POLA1: variants seen among roughly 807,000 people sequenced by gnomAD.
POLA1 encodes DNA polymerase alpha catalytic subunit.
Under a neutral mutation model 124.0 loss-of-function variants are expected in POLA1, and 15 were observed. The observed-to-expected ratio is 0.12, with a 90% confidence interval of 0.08 to 0.19. The LOEUF (loss-of-function observed/expected upper bound fraction) is 0.19, where lower values mean the gene tolerates loss of function less well. Among genes scored for constraint, POLA1 ranks in the 10% least tolerant of loss-of-function variants. The pLI, the probability that POLA1 is intolerant of heterozygous loss-of-function variation, is 1.00. For missense variants in POLA1, 886 were observed against 1,103.4 expected (o/e 0.80, Z 2.79); for synonymous variants, 408 against 389.4 (o/e 1.05, Z -0.56).
intron 35 of POLA1, among the ~76,000 whole-genome samples, chrX:24,918,458 A>G (rs1474777347): frequency 9.0e-6 from 1 of 111,577 alleles, no homozygotes; most frequent in African/African-American, 3.3e-5. Flanking sequence ...TAACCCCCCA[A>G]AAAAGATTTA....
At chrX:24,915,729 A>G (rs1198416136) in intron 35 of POLA1, among the ~76,000 whole-genome samples, 1 of 111,946 alleles carries the variant, frequency 8.9e-6, no homozygotes. Flanking sequence ...CAACATTGGA[A>G]TAGTGTTTAT....
At chrX:24,995,461 T>C (rs181539338) in intron 36 of POLA1, among the ~76,000 whole-genome samples, 35 of 111,760 alleles carry the variant, frequency 3.1e-4, no homozygotes, top group Non-Finnish European at 5.5e-4. Context: ...CGCAAGCAGT[T>C]GCATGCATGT....
intron 34 of POLA1, among the ~76,000 whole-genome samples, chrX:24,845,894 A>G (rs752127055): frequency 8.9e-5 from 10 of 112,150 alleles, no homozygotes; most frequent in Non-Finnish European, 1.7e-4. Flanking sequence ...GGAGAAGTCA[A>G]CCTGCACTGA....
chrX:24,924,409 A>T lies in POLA1; in HGVS notation c.4165-6044A>T, dbSNP rs146302721. On this transcript the variant is annotated intron_variant, in intron 35 of 36. Coordinates refer to ENST00000379068, the MANE Select transcript of POLA1 (RefSeq NM_001330360.2). Reference sequence around the variant, plus strand: ...CAGATTCAGTCTGACCCCAAAGCCTATGGTCTTTCTGCTATTCCAGTCTTC... The same window carrying T: ...CAGATTCAGTCTGACCCCAAAGCCTTTGGTCTTTCTGCTATTCCAGTCTTC... Among the ~76,000 whole-genome samples, 81 of 111,994 alleles carry T rather than the reference A, an allele frequency of 7.2e-4. 1 individual carries two copies. Among genetic ancestry groups the T allele is most frequent in the Non-Finnish European group, 1.3e-3 (71 of 53,187 alleles).
At chrX:24,974,219 C>CA (rs2048338626) in intron 36 of POLA1, among the ~76,000 whole-genome samples, 1 of 111,329 alleles carries the variant, frequency 9.0e-6, no homozygotes, top group Non-Finnish European at 1.9e-5. Context: ...GAACATTTGA[C>CA]AATGTCTGGA....
chrX:24,809,997 G>A (rs2045871977), intron 27 of POLA1, 67 bp downstream of exon 27: 1 of 682,081 alleles, frequency 1.5e-6, no homozygotes, highest in Non-Finnish European at 2.3e-6. Flanking sequence ...TGTATTCAAG[G>A]AAAATTGTAA....
chrX:24,995,596 G>A (rs962620646), intron 36 of POLA1, among the ~76,000 whole-genome samples: 2 of 111,978 alleles, frequency 1.8e-5, no homozygotes, highest in Admixed American at 9.4e-5. Context: ...GAGTCAGCTA[G>A]GTGCTGAGAG....
At chrX:24,753,880 C>A (rs1415798294) in intron 26 of POLA1, among the ~76,000 whole-genome samples, 1 of 112,358 alleles carries the variant, frequency 8.9e-6, no homozygotes, top group Non-Finnish European at 1.9e-5. Flanking sequence ...AGAGTCCATG[C>A]ATTTTCATTT....
At chrX:24,792,512 A>G (rs2045520476) in intron 26 of POLA1, among the ~76,000 whole-genome samples, 1 of 112,447 alleles carries the variant, frequency 8.9e-6, no homozygotes, top group African/African-American at 3.2e-5. Context: ...TATTCACCTA[A>G]CAGTGAGGCT....
intron 10 of POLA1, among the ~76,000 whole-genome samples, chrX:24,719,783 C>T (rs1930090198): frequency 8.9e-6 from 1 of 111,909 alleles, no homozygotes; most frequent in Non-Finnish European, 1.9e-5. Context: ...TTGATTCCCT[C>T]CTTTTCCTCA....
chrX:24,705,926 C>T (rs774290417), intron 4 of POLA1, among the ~76,000 whole-genome samples: 1 of 112,295 alleles, frequency 8.9e-6, no homozygotes, highest in East Asian at 2.8e-4. Context: ...CATATGACGT[C>T]ACTTGTACCA....
intron 28 of POLA1, among the ~76,000 whole-genome samples, chrX:24,812,326 G>A (rs938302936): frequency 1.2e-4 from 14 of 112,243 alleles, no homozygotes; most frequent in African/African-American, 4.2e-4. Flanking sequence ...AGTACTGTAT[G>A]TATGCATTAA....
chrX:24,733,649 G>A (rs1931075897), intron 16 of POLA1, 106 bp from the exon 17 acceptor site: 1 of 412,214 alleles, frequency 2.4e-6, no homozygotes, highest in Admixed American at 4.4e-5. Context: ...TTTAGGGTTG[G>A]GGGGAATATA....
At position 24,995,920 on chromosome X, in the gene POLA1, A is replaced by G; in HGVS notation, c.4377A>G (p.Lys1459=). The change falls in exon 37 of 37, where the codon AAA becomes AAG. Residue 1459 remains lysine, a synonymous_variant. Transcript: ENST00000379068. Reference sequence around the variant, plus strand: ...GCTACTCCGAAGTGAATCTGAGCAAACTCTTCGCTGGTTGTGCCGTGAAAT... The same window carrying G: ...GCTACTCCGAAGTGAATCTGAGCAAGCTCTTCGCTGGTTGTGCCGTGAAAT... ...RSGYSEVNLS[K]LFAGCAVKS 3.3e-6 allele frequency: 4 copies of G among 1,210,166 alleles called. No individual in the cohort carries two copies. The highest frequency in any genetic ancestry group is 4.5e-6 in the Non-Finnish European group (4 of 894,813).
intron 29 of POLA1, among the ~76,000 whole-genome samples, chrX:24,813,312 G>A (rs1341511427): frequency 9.0e-6 from 1 of 111,229 alleles, no homozygotes; most frequent in East Asian, 2.8e-4. Context: ...AATGGGCCAT[G>A]GAGTGAGACT....
In POLA1 at chrX:24,885,178, G is replaced by A. The variant is rs1333474286; in HGVS notation, c.4048-2828G>A. On this transcript the variant is annotated intron_variant, in intron 34 of 36. Coordinates refer to ENST00000379068, the MANE Select transcript of POLA1 (RefSeq NM_001330360.2). Reference sequence around the variant, plus strand: ...TAATTTCTTATCTCAAAACCTGATAGTTATTACCTGTCTGCTTATTTTTTT... The same window carrying A: ...TAATTTCTTATCTCAAAACCTGATAATTATTACCTGTCTGCTTATTTTTTT... 5.4e-5 allele frequency among the ~76,000 whole-genome samples: 6 copies of A among 112,122 alleles called. No homozygotes were observed. The East Asian group carries it at 1.7e-3, about 31-fold the overall frequency.
intron 10 of POLA1, among the ~76,000 whole-genome samples, chrX:24,721,275 A>G (rs1206162798): frequency 8.9e-6 from 1 of 112,540 alleles, no homozygotes; most frequent in Non-Finnish European, 1.9e-5. Flanking sequence ...AGGCTCTGAA[A>G]GATATAATAG....
At chrX:24,901,031 C>T (rs1013960870) in intron 35 of POLA1, among the ~76,000 whole-genome samples, 2 of 111,948 alleles carry the variant, frequency 1.8e-5, no homozygotes, top group Non-Finnish European at 3.8e-5. Context: ...TGAGCACCTA[C>T]TCTGGACCAA....
intron 35 of POLA1, among the ~76,000 whole-genome samples, chrX:24,903,669 T>C (rs766812906): frequency 9.0e-6 from 1 of 111,582 alleles, no homozygotes; most frequent in African/African-American, 3.3e-5. Context: ...TTAGAATATA[T>C]AAATTTTGAT....
Sources: allele counts gnomAD v4.1 joint callset (sites outside exome capture counted in the v4.1 genomes callset), GRCh38; gene constraint gnomAD v4.1.1; transcripts MANE v1.5; gene names NCBI Gene and HGNC (gene_info 2026-07-23, HGNC 2026-07-21).